HMGA2: variants seen among roughly 807,000 people sequenced by gnomAD.
The protein encoded by HMGA2 is high mobility group protein HMGI-C.
Under a neutral mutation model 19.1 loss-of-function variants are expected in HMGA2, and 8 were observed. The observed-to-expected ratio is 0.42, with a 90% CI of 0.25 to 0.76. The LOEUF is 0.76. Ranked by LOEUF, HMGA2 falls within the 30% of genes least tolerant of loss-of-function variation. The pLI, the probability that HMGA2 is intolerant of heterozygous loss-of-function variation, is 0.28. For missense variants in HMGA2, 109 were observed against 136.3 expected (o/e 0.80, Z 1.00); for synonymous variants, 60 against 48.8 (o/e 1.23, Z -0.96).
At chr12:65,896,801 T>C (rs1874151029) in intron 3 of HMGA2, among the ~76,000 whole-genome samples, 1 of 152,248 alleles carries the variant, frequency 6.6e-6, no homozygotes, top group African/African-American at 2.4e-5. Context: ...AATCTGATTT[T>C]GAGATCTTTC....
At chr12:65,844,915 T>C (rs976383410) in intron 3 of HMGA2, among the ~76,000 whole-genome samples, 23 of 152,208 alleles carry the variant, frequency 1.5e-4, no homozygotes, top group African/African-American at 5.5e-4. Flanking sequence ...TATCATCAGA[T>C]CAATAGAGTC....
Position 65,926,879 on chromosome 12 carries a change from C to T in HMGA2, c.250-24504C>T, listed in dbSNP as rs145889261. Among the ~76,000 whole-genome samples, 286 of 152,208 alleles carry T rather than the reference C, an allele frequency of 1.9e-3. 2 individuals are homozygous for T. Among genetic ancestry groups the T allele is most frequent in the African/African-American group, 6.4e-3 (265 of 41,514 alleles). ...GCAGCCTCCAGTTCCAGAAGCAGCA[C>T]GCTGTTCATTCCAGGAAAGGAAAAA... On this transcript the variant is annotated intron_variant, in intron 3 of 4. Transcript: ENST00000403681.
chr12:65,965,530 A>C lies in HMGA2; in HGVS notation c.*2238A>C, dbSNP rs771765459. On this transcript the variant is annotated 3_prime_UTR_variant, in exon 5 of 5. Coordinates refer to ENST00000403681, the MANE Select transcript of HMGA2 (RefSeq NM_003483.6). ...GTTTCAAAGGCCACATACCTCTCTG[A>C]GACTGGCAGATCGCTCACTGTTGTG... The C allele has an allele frequency of 4.1e-4, 86 of 210,494 alleles. No individual in the cohort carries two copies. The Middle Eastern group carries it at 4.7e-3, about 11-fold the overall frequency. 13.0% of individuals were successfully genotyped at this position (210,494 alleles called of 1,614,324 possible). A position where few individuals can be genotyped will look rare whatever the true frequency, so the allele number is the denominator to read the frequency against.
chr12:65,934,374 T>A (rs79863737), intron 3 of HMGA2, among the ~76,000 whole-genome samples: 301 of 152,330 alleles, frequency 2.0e-3, no homozygotes, highest in African/African-American at 6.9e-3. Context: ...ATCAGCATAC[T>A]TTTATGCTTT....
At chr12:65,838,762 T>C (rs1409280920) in intron 3 of HMGA2, among the ~76,000 whole-genome samples, 193 bp downstream of exon 3, 1 of 152,088 alleles carries the variant, frequency 6.6e-6, no homozygotes, top group African/African-American at 2.4e-5. Flanking sequence ...GTAGAACACT[T>C]TTCTTTCCTG....
chr12:65,936,606 A>G (rs1214053813), intron 3 of HMGA2, among the ~76,000 whole-genome samples: 1 of 152,106 alleles, frequency 6.6e-6, no homozygotes, highest in Non-Finnish European at 1.5e-5. Context: ...AGCACTGCAA[A>G]TCATAAACAA....
chr12:65,832,525 GT>G (rs1328089496), intron 2 of HMGA2, among the ~76,000 whole-genome samples: 1 of 151,958 alleles, frequency 6.6e-6, no homozygotes, highest in Admixed American at 6.6e-5. Flanking sequence ...GAATAGATGG[GT>G]GCTGAAGAGG....
chr12:65,898,876 C>T (rs2121165887), intron 3 of HMGA2, among the ~76,000 whole-genome samples: 1 of 151,934 alleles, frequency 6.6e-6, no homozygotes, highest in Admixed American at 6.6e-5. Context: ...AACTCCGTCT[C>T]TACTAAAAAT....
At chr12:65,938,675 G>A (rs1875978155) in intron 3 of HMGA2, among the ~76,000 whole-genome samples, 1 of 151,910 alleles carries the variant, frequency 6.6e-6, no homozygotes, top group Admixed American at 6.6e-5. Flanking sequence ...TAGAGACAGG[G>A]TCTCACTTTG....
intron 3 of HMGA2, among the ~76,000 whole-genome samples, chr12:65,910,629 C>T (rs950700975): frequency 1.3e-5 from 2 of 152,108 alleles, no homozygotes; most frequent in African/African-American, 4.8e-5. Context: ...TCTGTGGTCC[C>T]TGAGTTTTCA....
At chr12:65,882,554 G>A (rs889556289) in intron 3 of HMGA2, among the ~76,000 whole-genome samples, 3 of 152,190 alleles carry the variant, frequency 2.0e-5, no homozygotes, top group African/African-American at 7.2e-5. Context: ...TCTCCTGAGG[G>A]CCTGTCCCCA....
In HMGA2 at chr12:65,838,485, A is replaced by G. The variant is rs201356876; in HGVS notation, c.199-34A>G. 112 of 1,563,972 alleles carry G rather than the reference A, an allele frequency of 7.2e-5. No individual in the cohort carries two copies. The African/African-American group carries it at 1.4e-3, about 20-fold the overall frequency. ...GCAGTACTTATAAACAATGTCAGGT[A>G]GAAAACTATAATGACTTCCTTTTTC... is the stretch of plus-strand genomic sequence containing the variant. On this transcript the variant is annotated intron_variant, in intron 2 of 4. Coordinates refer to ENST00000403681, the MANE Select transcript of HMGA2 (RefSeq NM_003483.6).
intron 3 of HMGA2, among the ~76,000 whole-genome samples, chr12:65,910,750 G>GA (rs1874809284): frequency 6.6e-6 from 1 of 151,994 alleles, no homozygotes; most frequent in African/African-American, 2.4e-5. Context: ...CTGTCCAACT[G>GA]AAACTGAAAT....
chr12:65,963,146 T>C (rs986712012), intron 4 of HMGA2, 99 bp from the exon 5 acceptor site: 7 of 1,071,354 alleles, frequency 6.5e-6, no homozygotes, highest in African/African-American at 1.6e-5. Context: ...GAGGCAAGCA[T>C]AATGTGCTGT....
At chr12:65,939,015 G>C (rs1416381452) in intron 3 of HMGA2, among the ~76,000 whole-genome samples, 1 of 152,180 alleles carries the variant, frequency 6.6e-6, no homozygotes, top group Admixed American at 6.5e-5. Flanking sequence ...TGGAAGGTAT[G>C]ACTCAGCGCT....
At chr12:65,905,762 T>C (rs1056146353) in intron 3 of HMGA2, among the ~76,000 whole-genome samples, 4 of 152,244 alleles carry the variant, frequency 2.6e-5, no homozygotes, top group African/African-American at 4.8e-5. Context: ...TTAGAAATTT[T>C]AGATGACTCA....
intron 1 of HMGA2, among the ~76,000 whole-genome samples, chr12:65,827,751 C>T (rs567522597): frequency 2.0e-5 from 3 of 152,226 alleles, no homozygotes; most frequent in African/African-American, 7.2e-5. Context: ...TCTTTGTTAC[C>T]ATTTTAGGTT....
At chr12:65,827,978 AT>A (rs146235774) in intron 1 of HMGA2, 22 bp from the exon 2 acceptor site, 383 of 1,494,464 alleles carry the variant, frequency 2.6e-4, no homozygotes, top group Non-Finnish European at 3.1e-4. Context: ...CCACAACAGC[AT>A]TTTTTTTTCC....
At chr12:65,855,699 A>AGATGAT (rs3048830) in intron 3 of HMGA2, among the ~76,000 whole-genome samples, 50,876 of 148,438 alleles carry the variant, frequency 0.34, 9,416 homozygotes, top group Middle Eastern at 0.46. Flanking sequence ...ACCAGAACAC[A>AGATGAT]GATGATGATG....
Sources: gnomAD v4.1 joint callset for allele counts (sites outside exome capture counted in the v4.1 genomes callset) on GRCh38, gnomAD v4.1.1 for gene constraint, MANE v1.5 for transcripts, NCBI Gene and HGNC (gene_info 2026-07-23, HGNC 2026-07-21) for gene names.